The following PEX16 variants were observed in gnomAD, a reference collection of about 807,000 sequenced individuals.
PEX16 encodes peroxin 16.
A neutral mutation model predicts 50.5 loss-of-function variants in PEX16; 37 were observed. That is an observed-to-expected ratio of 0.73 (90% CI 0.56 to 0.96). The LOEUF (loss-of-function observed/expected upper bound fraction) is 0.96. Ranked by LOEUF, PEX16 falls within the 40% of genes least tolerant of loss-of-function variation. The pLI is 0.00. For missense variants in PEX16, 401 were observed against 438.3 expected (o/e 0.91, Z 0.76); for synonymous variants, 185 against 190.3 (o/e 0.97, Z 0.23).
chr11:45,916,035 C>T (rs2086831037), intron 3 of PEX16, among the ~76,000 whole-genome samples, 192 bp downstream of exon 3: 1 of 152,078 alleles, frequency 6.6e-6, no homozygotes, highest in Non-Finnish European at 1.5e-5. Flanking sequence ...CCTCTCTTCA[C>T]CTGAGACAGT....
At chr11:45,910,360 AC>A (rs1488154051) in intron 10 of PEX16, 48 bp from the exon 11 acceptor site, 1 of 1,476,698 alleles carries the variant, frequency 6.8e-7, no homozygotes, top group East Asian at 2.3e-5. Context: ...CCCAATCTGC[AC>A]TGTGGCGCCA....
chr11:45,910,097 G>A lies in PEX16; in HGVS notation c.*157C>T, dbSNP rs889355752. On this transcript the variant is annotated 3_prime_UTR_variant, in exon 11 of 11. Transcript: ENST00000378750. Reference sequence around the variant, plus strand: ...GTCACAGGAGAGCGCAGTCAAGGGTGTCCTGGGAGGAACGCTGGTGGCGAC... The same window carrying A: ...GTCACAGGAGAGCGCAGTCAAGGGTATCCTGGGAGGAACGCTGGTGGCGAC... 3 of 1,611,236 alleles carry A rather than the reference G, an allele frequency of 1.9e-6. No homozygotes were observed. The highest frequency in any genetic ancestry group is 2.5e-6 in the Non-Finnish European group (3 of 1,179,688).
intron 2 of PEX16, chr11:45,916,900 C>G: frequency 2.4e-6 from 1 of 415,380 alleles, no homozygotes; most frequent in Admixed American, 2.5e-5. Flanking sequence ...GAACTCCTGA[C>G]CTCACGTGAT....
rs1192087745 is a variant in PEX16, at chr11:45,910,296, G to A, written c.969C>T (p.Tyr323=). ...VGLVTRPLMD[Y]LPTWQKIYFY... ...AGTAGATTTTCTGCCAGGTGGGCAA[G>A]TAATCCATGAGCGGCCCTGCAGTGG... Residue 323 remains tyrosine (Y), a synonymous_variant, in exon 11 of 11, where the codon TAC becomes TAT. Coordinates refer to ENST00000378750, the MANE Select transcript of PEX16 (RefSeq NM_004813.4). 1 of 1,613,744 alleles carries A rather than the reference G, an allele frequency of 6.2e-7. No individual in the cohort carries two copies.
At chr11:45,917,551 G>A (rs370882222) in intron 1 of PEX16, 58 bp from the exon 2 acceptor site, 3 of 1,601,624 alleles carry the variant, frequency 1.9e-6, no homozygotes, top group Non-Finnish European at 2.6e-6. Context: ...TTTCGTCTTC[G>A]GGTCCCGGAA....
chr11:45,911,092 C>A, intron 9 of PEX16, 130 bp from the exon 10 acceptor site: 2 of 716,142 alleles, frequency 2.8e-6, no homozygotes, highest in Non-Finnish European at 4.9e-6. Flanking sequence ...AGGTGACTTT[C>A]TTGGGAGCTA....
At chr11:45,914,078 A>G in intron 8 of PEX16, 53 bp downstream of exon 8, 1 of 1,576,824 alleles carries the variant, frequency 6.3e-7, no homozygotes, top group Admixed American at 1.8e-5. Context: ...TGAGGCCAGG[A>G]TTATAGCAGA....
Position 45,910,333 on chromosome 11 carries a change from A to C in PEX16, c.953-21T>G, listed in dbSNP as rs569559095. On this transcript the variant is annotated intron_variant, in intron 10 of 10. Coordinates refer to ENST00000378750, the MANE Select transcript of PEX16 (RefSeq NM_004813.4). Reference sequence around the variant, plus strand: ...CGGCCCTGCAGTGGGAGAGGGACACATCAGGGCAGGCCAGACCCCAATCTG... The same window carrying C: ...CGGCCCTGCAGTGGGAGAGGGACACCTCAGGGCAGGCCAGACCCCAATCTG... 2.2e-5 allele frequency: 35 copies of C among 1,592,756 alleles called. No homozygotes were observed. In the South Asian group the frequency reaches 2.4e-4, roughly 11 times the overall value.
At chr11:45,916,883 T>C (rs1271175817) in intron 2 of PEX16, 3 of 388,484 alleles carry the variant, frequency 7.7e-6, no homozygotes, top group Middle Eastern at 1.3e-3. Context: ...TTGGCCAGGC[T>C]GGTCTCGAAC....
chr11:45,911,608 T>C (rs2134687937), intron 9 of PEX16, among the ~76,000 whole-genome samples: 1 of 152,334 alleles, frequency 6.6e-6, no homozygotes, highest in Admixed American at 6.5e-5. Flanking sequence ...AAGTGGGTAC[T>C]GTCATCATCC....
At chr11:45,916,994 T>G (rs1251358672) in intron 2 of PEX16, 1 of 465,212 alleles carries the variant, frequency 2.1e-6, no homozygotes, top group African/African-American at 2.0e-5. Flanking sequence ...CAAAACCCAG[T>G]GCATTCTTTC....
chr11:45,917,861 G>A lies in PEX16; in HGVS notation c.-50C>T, dbSNP rs1565083113. 12 of 1,334,004 alleles carry A rather than the reference G, an allele frequency of 9.0e-6. No homozygotes were observed. Among genetic ancestry groups the A allele is most frequent in the African/African-American group, 1.4e-5 (1 of 69,178 alleles). The allele number at this position is 1,334,004 out of a possible 1,614,324, so 82.6% of individuals were successfully genotyped here. ...ACAGAAGGACCGTACGACAGGCTGC[G>A]GCGCCCTGCTTCCTGCGCCCTCCTT... On this transcript the variant is annotated 5_prime_UTR_variant, in exon 1 of 11. Coordinates refer to ENST00000378750, the MANE Select transcript of PEX16 (RefSeq NM_004813.4).
intron 9 of PEX16, among the ~76,000 whole-genome samples, chr11:45,913,003 T>A (rs1348821152): frequency 1.0e-4 from 14 of 137,554 alleles, no homozygotes; most frequent in African/African-American, 2.6e-4. Flanking sequence ...TTATTATTTT[T>A]TTTTTTTTTT....
In PEX16 at chr11:45,911,001, T is replaced by TG. The variant is rs141571684; in HGVS notation, c.888-40dup. 8 of 1,184,414 alleles carry TG rather than the reference T, an allele frequency of 6.8e-6. 1 individual carries two copies. The highest frequency in any genetic ancestry group is 5.1e-5 in the Admixed American group (3 of 59,394). 73.4% of individuals were successfully genotyped at this position (1,184,414 alleles called of 1,614,324 possible). On this transcript the variant is annotated intron_variant, in intron 9 of 10. Transcript: ENST00000378750. ...TAAATGGGGAGCAAGCTGAGTGGGGTGGGGGTGGGTCCCTGCAAACCAGGA... is the reference window on the plus strand; with the variant it reads ...TAAATGGGGAGCAAGCTGAGTGGGGTGGGGGGTGGGTCCCTGCAAACCAGGA...
chr11:45,917,565 C>A (rs2086850588), intron 1 of PEX16, 72 bp from the exon 2 acceptor site: 2 of 1,577,322 alleles, frequency 1.3e-6, no homozygotes, highest in Admixed American at 3.5e-5. Context: ...CCCGGAAATC[C>A]CCTCCCTACG....
At chr11:45,916,760 C>T (rs2086840679) in intron 2 of PEX16, among the ~76,000 whole-genome samples, 1 of 152,366 alleles carries the variant, frequency 6.6e-6, no homozygotes, top group Non-Finnish European at 1.5e-5. Flanking sequence ...ACCTCTGCCT[C>T]CCAGGTTCAA....
intron 9 of PEX16, among the ~76,000 whole-genome samples, chr11:45,913,193 T>TC (rs1388479112): frequency 2.0e-5 from 3 of 152,112 alleles, no homozygotes; most frequent in African/African-American, 7.2e-5. Flanking sequence ...TGCCTCACAG[T>TC]CCCAGCCACT....
At chr11:45,916,495 G>A (rs1407774204) in intron 2 of PEX16, among the ~76,000 whole-genome samples, 192 bp from the exon 3 acceptor site, 3 of 152,176 alleles carry the variant, frequency 2.0e-5, no homozygotes, top group African/African-American at 4.8e-5. Context: ...AAGGGTGGCT[G>A]GACCAAGAAA....
chr11:45,917,997 C>T, upstream of PEX16: 1 of 663,108 alleles, frequency 1.5e-6, no homozygotes, highest in Admixed American at 2.1e-5. Flanking sequence ...TGAACCGCTT[C>T]CCACTCGGGT....
Sources: gnomAD v4.1 joint callset for allele counts (sites outside exome capture counted in the v4.1 genomes callset) on GRCh38, gnomAD v4.1.1 for gene constraint, MANE v1.5 for transcripts, NCBI Gene and HGNC (gene_info 2026-07-23, HGNC 2026-07-21) for gene names.